DMD: variants seen among roughly 807,000 people sequenced by gnomAD.
DMD encodes the protein dystrophin.
A neutral mutation model predicts 330.1 loss-of-function variants in DMD; 63 were observed. That is an observed-to-expected ratio of 0.19 (90% CI 0.16 to 0.24). DMD has a LOEUF of 0.24. Among genes scored for constraint, DMD ranks in the 10% least tolerant of loss-of-function variants. The probability of loss-of-function intolerance (pLI) is 1.00; values close to 1 mark genes in which losing one functional copy is unlikely to be tolerated. For synonymous variants in DMD, 1,223 were observed against 959.8 expected (o/e 1.27, Z -5.07); for missense variants, 3,344 against 2,684.1 (o/e 1.25, Z -5.43).
rs180835555 is a variant in DMD, at chrX:33,338,353, A to T, written c.7+906T>A. ...CTCCATTTGCTTAAAAGTACTTATA[A>T]TTATAATCCACTGATTGTAGGGGAA... On this transcript the variant is annotated intron_variant, in intron 1 of 17. Transcript: ENST00000288447. 4.5e-5 allele frequency among the ~76,000 whole-genome samples: 5 copies of T among 110,497 alleles called. No homozygotes were observed. The Admixed American group carries it at 4.9e-4, about 11-fold the overall frequency.
At chrX:31,150,753 C>T (rs112197935) in intron 74 of DMD, among the ~76,000 whole-genome samples, 48 of 112,036 alleles carry the variant, frequency 4.3e-4, no homozygotes, top group African/African-American at 1.4e-3. Context: ...CCACAGGGGA[C>T]GGCATGTCTT....
intron 7 of DMD, among the ~76,000 whole-genome samples, chrX:32,741,127 T>C (rs1603335558): frequency 9.0e-6 from 1 of 111,607 alleles, no homozygotes; most frequent in South Asian, 3.8e-4. Flanking sequence ...CATAGTGTAA[T>C]AGAATCTGTA....
At chrX:31,561,627 G>A (rs748357397) in intron 55 of DMD, among the ~76,000 whole-genome samples, 3 of 112,101 alleles carry the variant, frequency 2.7e-5, no homozygotes, top group African/African-American at 9.7e-5. Flanking sequence ...TATTAAGGTA[G>A]GCACTACTGT....
intron 13 of DMD, among the ~76,000 whole-genome samples, chrX:32,591,109 C>T (rs146932104): frequency 0.052 from 5,811 of 111,123 alleles, 137 homozygotes; most frequent in Non-Finnish European, 0.063. Context: ...TATTCTCTCC[C>T]CAGCCTTCCA....
At chrX:31,806,123 G>C (rs1211894801) in intron 50 of DMD, among the ~76,000 whole-genome samples, 1 of 111,976 alleles carries the variant, frequency 8.9e-6, no homozygotes, top group Non-Finnish European at 1.9e-5. Context: ...GCAAAACTTC[G>C]ACCAAAACCT....
intron 45 of DMD, among the ~76,000 whole-genome samples, chrX:31,956,723 G>A (rs2095249954): frequency 2.7e-5 from 3 of 112,016 alleles, no homozygotes; most frequent in African/African-American, 9.7e-5. Context: ...GCAAAAGAGA[G>A]GAGAGGGAAA....
At chrX:32,521,323 T>C (rs1392770371) in intron 17 of DMD, among the ~76,000 whole-genome samples, 1 of 111,919 alleles carries the variant, frequency 8.9e-6, no homozygotes, top group Non-Finnish European at 1.9e-5. Context: ...TTAACACTGT[T>C]GACCATACTA....
chrX:33,084,376 G>A (rs1340120024), intron 1 of DMD, among the ~76,000 whole-genome samples: 1 of 112,571 alleles, frequency 8.9e-6, no homozygotes, highest in Non-Finnish European at 1.9e-5. Context: ...ATGCAGAGCT[G>A]GCTGTGTGGG....
chrX:32,144,139 T>A (rs1397480811), intron 44 of DMD, among the ~76,000 whole-genome samples: 1 of 111,866 alleles, frequency 8.9e-6, no homozygotes, highest in Non-Finnish European at 1.9e-5. Flanking sequence ...GTGACACAAT[T>A]ATAGAAGATG....
intron 7 of DMD, among the ~76,000 whole-genome samples, chrX:32,766,127 G>A (rs187673934): frequency 9.5e-4 from 106 of 111,046 alleles, no homozygotes; most frequent in African/African-American, 3.1e-3. Flanking sequence ...AAATCAGGAC[G>A]TATGACCCTT....
chrX:33,245,737 A>G (rs1292648944), intron 1 of DMD, among the ~76,000 whole-genome samples: 1 of 112,453 alleles, frequency 8.9e-6, no homozygotes, highest in Non-Finnish European at 1.9e-5. Context: ...TTGTAAATTT[A>G]CAACTTTGTT....
At chrX:31,410,921 G>GTGT (rs775646320) in intron 60 of DMD, among the ~76,000 whole-genome samples, 19 of 59,797 alleles carry the variant, frequency 3.2e-4, no homozygotes, top group South Asian at 2.8e-3. Flanking sequence ...CTGTGTGTGT[G>GTGT]TTTTTTTTTT....
intron 17 of DMD, 146 bp from the exon 18 acceptor site, chrX:32,518,277 T>A: frequency 1.7e-6 from 1 of 600,323 alleles, no homozygotes; most frequent in Non-Finnish European, 2.6e-6. Context: ...CAGCACTATT[T>A]TCCCTGTTAG....
At chrX:32,032,013 G>A (rs1284379959) in intron 44 of DMD, among the ~76,000 whole-genome samples, 6 of 111,481 alleles carry the variant, frequency 5.4e-5, no homozygotes, top group African/African-American at 1.6e-4. Context: ...TGTTTTTAAC[G>A]CCAATATTAT....
chrX:31,269,828 C>T (rs773495328), intron 62 of DMD, among the ~76,000 whole-genome samples: 2 of 111,736 alleles, frequency 1.8e-5, no homozygotes, highest in East Asian at 5.6e-4. Context: ...GGATGCTTCC[C>T]CATTCTCCCA....
chrX:32,416,543 G>A (rs966393655), intron 29 of DMD, among the ~76,000 whole-genome samples: 5 of 111,751 alleles, frequency 4.5e-5, no homozygotes, highest in African/African-American at 1.6e-4. Context: ...ATGAACTAAC[G>A]AAAACTAAAT....
intron 29 of DMD, among the ~76,000 whole-genome samples, chrX:32,413,357 T>G (rs1403460778): frequency 2.7e-5 from 3 of 111,653 alleles, no homozygotes; most frequent in African/African-American, 9.8e-5. Context: ...TTTTTCCGGT[T>G]TCAGCGAAAA....
intron 42 of DMD, among the ~76,000 whole-genome samples, chrX:32,309,582 A>C (rs1435666399): frequency 9.0e-6 from 1 of 111,530 alleles, no homozygotes; most frequent in African/African-American, 3.2e-5. Context: ...GGCAGTTATA[A>C]AGAAAATATT....
chrX:31,757,978 AG>A (rs763298570), intron 51 of DMD, among the ~76,000 whole-genome samples: 16 of 110,050 alleles, frequency 1.5e-4, no homozygotes, highest in South Asian at 7.8e-4. Context: ...CGGTCAGCTG[AG>A]GCCCTTACTA....
Sources: gnomAD v4.1 joint callset for allele counts (sites outside exome capture counted in the v4.1 genomes callset) on GRCh38, gnomAD v4.1.1 for gene constraint, MANE v1.5 for transcripts, NCBI Gene and HGNC (gene_info 2026-07-23, HGNC 2026-07-21) for gene names.